ATF1: variants seen among roughly 807,000 people sequenced by gnomAD.
ATF1 encodes the protein cyclic AMP-dependent transcription factor ATF-1.
A neutral mutation model predicts 34.7 loss-of-function variants in ATF1; 16 were observed. The ratio of observed to expected loss-of-function variants is 0.46; its 90% CI spans 0.31 to 0.70. The LOEUF is 0.70. ATF1 is among the 30% of genes least tolerant of loss of function. The pLI is 0.05. For missense variants in ATF1, 255 were observed against 321.6 expected, an observed-to-expected ratio of 0.79 and a Z score of 1.58; for synonymous variants, 105 against 113.1, an observed-to-expected ratio of 0.93 and a Z score of 0.46.
At chr12:50,788,660 C>A (rs764093033) in intron 2 of ATF1, among the ~76,000 whole-genome samples, 1 of 152,044 alleles carries the variant, frequency 6.6e-6, no homozygotes, top group Non-Finnish European at 1.5e-5. Context: ...TGCAAATTTG[C>A]CTACTTGATA....
chr12:50,804,361 C>T (rs1941573196), intron 3 of ATF1, among the ~76,000 whole-genome samples: 1 of 152,204 alleles, frequency 6.6e-6, no homozygotes, highest in East Asian at 1.9e-4. Context: ...GTGTATGCAT[C>T]TAACAAAAGA....
intron 2 of ATF1, chr12:50,788,289 C>T (rs1404984097): frequency 4.5e-6 from 2 of 446,662 alleles, no homozygotes; most frequent in South Asian, 1.6e-5. Flanking sequence ...CTCAAGCAAT[C>T]CTCCTGCCTC....
intron 2 of ATF1, among the ~76,000 whole-genome samples, chr12:50,791,373 TG>T (rs1467469872): frequency 4.6e-5 from 7 of 152,110 alleles, no homozygotes; most frequent in Non-Finnish European, 8.8e-5. Context: ...CTGGCCAACA[TG>T]GGGAAACCCC....
At chr12:50,765,848 AAAG>A (rs1372524578) in intron 1 of ATF1, among the ~76,000 whole-genome samples, 3 of 152,186 alleles carry the variant, frequency 2.0e-5, no homozygotes, top group Non-Finnish European at 4.4e-5. Context: ...TATGGTCTAA[AAAG>A]GGGAGGCGTG....
intron 3 of ATF1, among the ~76,000 whole-genome samples, 167 bp from the exon 4 acceptor site, chr12:50,809,289 T>C (rs1034187349): frequency 6.0e-5 from 9 of 149,680 alleles, no homozygotes; most frequent in Non-Finnish European, 1.0e-4. Flanking sequence ...CACAAGACTC[T>C]CTTAAGCCAG....
chr12:50,787,362 G>A (rs1271645589), intron 2 of ATF1, among the ~76,000 whole-genome samples: 1 of 152,208 alleles, frequency 6.6e-6, no homozygotes, highest in Admixed American at 6.5e-5. Flanking sequence ...GCTCCAGTGG[G>A]AAAGGTAGAA....
intron 4 of ATF1, among the ~76,000 whole-genome samples, chr12:50,813,208 ACAGTGG>A (rs1941773195): frequency 6.6e-6 from 1 of 152,206 alleles, no homozygotes; most frequent in Non-Finnish European, 1.5e-5. Context: ...TATTTTCTAC[ACAGTGG>A]CTTTCTGCTA....
chr12:50,766,546 T>G (rs1406155891), intron 1 of ATF1, among the ~76,000 whole-genome samples: 3 of 151,960 alleles, frequency 2.0e-5, no homozygotes, highest in Non-Finnish European at 4.4e-5. Flanking sequence ...AGGGTACATG[T>G]GCACATTTTG....
chr12:50,773,255 G>GATTTATAAAT (rs1273233997), intron 1 of ATF1, among the ~76,000 whole-genome samples: 3 of 152,102 alleles, frequency 2.0e-5, no homozygotes, highest in African/African-American at 7.2e-5. Context: ...ATAATAGAAT[G>GATTTATAAAT]ATTTATATTC....
chr12:50,811,338 A>G (rs1941733044), intron 4 of ATF1, among the ~76,000 whole-genome samples: 1 of 152,134 alleles, frequency 6.6e-6, no homozygotes, highest in Non-Finnish European at 1.5e-5. Context: ...CTTATTCATG[A>G]TCTGTTTTCC....
At chr12:50,766,398 G>C (rs1297714580) in intron 1 of ATF1, among the ~76,000 whole-genome samples, 1 of 152,132 alleles carries the variant, frequency 6.6e-6, no homozygotes, top group Non-Finnish European at 1.5e-5. Context: ...ATTAACTGCT[G>C]TTCTCTTTGG....
chr12:50,820,359 T>G lies in ATF1; in HGVS notation c.*580T>G. On this transcript the variant is annotated 3_prime_UTR_variant, in exon 7 of 7. Coordinates refer to ENST00000262053, the MANE Select transcript of ATF1 (RefSeq NM_005171.5). Reference sequence around the variant, plus strand: ...CTTGAATGGATTTTTGAGACTAGGTTAATTATTTTTGAGGTCTTATCCTAA... The same window carrying G: ...CTTGAATGGATTTTTGAGACTAGGTGAATTATTTTTGAGGTCTTATCCTAA... The G allele has an allele frequency of 5.3e-6, 1 of 188,564 alleles. No individual in the cohort carries two copies. The highest frequency in any genetic ancestry group is 1.1e-5 in the Non-Finnish European group (1 of 89,330). 11.7% of individuals were successfully genotyped at this position (188,564 alleles called of 1,614,324 possible).
chr12:50,777,712 T>C (rs1318393865), intron 1 of ATF1, among the ~76,000 whole-genome samples: 1 of 149,594 alleles, frequency 6.7e-6, no homozygotes, highest in Non-Finnish European at 1.5e-5. Context: ...GCCTGCGAGG[T>C]CAAGGCTGCA....
intron 6 of ATF1, among the ~76,000 whole-genome samples, chr12:50,815,169 A>T (rs1260778476): frequency 6.6e-6 from 1 of 152,042 alleles, no homozygotes; most frequent in African/African-American, 2.4e-5. Flanking sequence ...GGCAGCCCCT[A>T]CAGGAGGTAT....
chr12:50,819,325 G>A (rs188386404), intron 6 of ATF1, among the ~76,000 whole-genome samples: 282 of 152,238 alleles, frequency 1.9e-3, no homozygotes, highest in Admixed American at 4.1e-3. Flanking sequence ...TCTAGAATAG[G>A]AAAAAAACTA....
At chr12:50,768,200 C>T (rs188109973) in intron 1 of ATF1, among the ~76,000 whole-genome samples, 1 of 152,154 alleles carries the variant, frequency 6.6e-6, no homozygotes, top group African/African-American at 2.4e-5. Context: ...GGCAACAGTC[C>T]AGGTTCAATT....
At chr12:50,814,871 C>T (rs1407097683) in intron 6 of ATF1, among the ~76,000 whole-genome samples, 7 of 148,530 alleles carry the variant, frequency 4.7e-5, no homozygotes, top group Non-Finnish European at 8.9e-5. Context: ...TGGTGGCTCA[C>T]GCCTGTAATC....
intron 3 of ATF1, among the ~76,000 whole-genome samples, chr12:50,803,268 CAA>C (rs36003561): frequency 7.5e-6 from 1 of 133,960 alleles, no homozygotes; most frequent in African/African-American, 2.8e-5. Flanking sequence ...AACTCTGTCT[CAA>C]AAAAAAAAAA....
Position 50,814,076 on chromosome 12 carries a change from A to C in ATF1, c.395A>C (p.Gln132Pro). Residue 132 changes from glutamine to proline, a missense_variant, in exon 5 of 7, where the codon CAG (glutamine) becomes CCG (proline). Around this residue, in one of 2 missense-constraint regions of ATF1, gnomAD observed 221 missense variants for 250.7 expected, o/e 0.88. Transcript: ENST00000262053. Reference protein sequence around the residue: ...SPGTDGVQGLQTLTMTNSGST... With the variant: ...SPGTDGVQGLPTLTMTNSGST... ...GGCACAGATGGAGTACAGGGACTTC[A>C]GACATTAACCATGACAAATTCAGGC... 6.2e-7 allele frequency: 1 copy of C among 1,614,230 alleles called. No individual in the cohort carries two copies. Among genetic ancestry groups the C allele is most frequent in the East Asian group, 2.2e-5 (1 of 44,888 alleles).
Sources: allele counts gnomAD v4.1 joint callset (sites outside exome capture counted in the v4.1 genomes callset), GRCh38; gene constraint gnomAD v4.1.1; regional missense constraint gnomAD v4.1.1; transcripts MANE v1.5; gene names NCBI Gene and HGNC (gene_info 2026-07-23, HGNC 2026-07-21).